MICU1: variants seen among roughly 807,000 people sequenced by gnomAD.
The protein encoded by MICU1 is mitochondrial calcium uptake 1.
MICU1 carries 45 observed loss-of-function variants against 56.8 expected under a neutral mutation model. The ratio of observed to expected loss-of-function variants is 0.79; its 90% CI spans 0.62 to 1.02. The LOEUF (loss-of-function observed/expected upper bound fraction) is 1.02. Among genes scored for constraint, MICU1 ranks in the 50% least tolerant of loss-of-function variants. MICU1 has a pLI of 0.00. For missense variants in MICU1, 504 were observed against 587.1 expected (o/e 0.86, Z 1.46); for synonymous variants, 186 against 195.1 (o/e 0.95, Z 0.39).
At chr10:72,414,891 G>A (rs1863932781) in intron 9 of MICU1, among the ~76,000 whole-genome samples, 1 of 151,840 alleles carries the variant, frequency 6.6e-6, no homozygotes, top group Admixed American at 6.6e-5. Flanking sequence ...CCGTCTACCA[G>A]AAGCCAATCT....
chr10:72,418,179 G>A (rs920323217), intron 9 of MICU1, among the ~76,000 whole-genome samples: 6 of 152,118 alleles, frequency 3.9e-5, no homozygotes, highest in Non-Finnish European at 8.8e-5. Flanking sequence ...TGGGGATTAT[G>A]GGAACTACAA....
chr10:72,511,709 C>A (rs1400899204), intron 5 of MICU1, among the ~76,000 whole-genome samples: 1 of 152,162 alleles, frequency 6.6e-6, no homozygotes, highest in Non-Finnish European at 1.5e-5. Flanking sequence ...CAAAAAAGGT[C>A]ATTTCTTCAT....
At chr10:72,428,248 G>A (rs1047066701) in intron 8 of MICU1, among the ~76,000 whole-genome samples, 2 of 152,184 alleles carry the variant, frequency 1.3e-5, no homozygotes, top group Non-Finnish European at 2.9e-5. Context: ...TAGAGTCTTG[G>A]TCCATAAGAT....
rs1839475290 is a variant in MICU1 at position 72,531,282 on chromosome 10, A to C, written c.537+2464T>G. 2.6e-5 allele frequency among the ~76,000 whole-genome samples: 4 copies of C among 152,360 alleles called. No homozygotes were observed. In the South Asian group the frequency reaches 8.3e-4, roughly 32 times the overall value. On this transcript the variant is annotated intron_variant, in intron 5 of 11. Transcript: ENST00000361114. ...CTTAGGTGTTTAGCTTTCTAACTAC[A>C]TTTCTGGCTATAATGCATAAAATTA...
At chr10:72,471,260 ATTG>A (rs1865942479) in intron 8 of MICU1, among the ~76,000 whole-genome samples, 1 of 152,028 alleles carries the variant, frequency 6.6e-6, no homozygotes, top group Admixed American at 6.6e-5. Flanking sequence ...AGTTTTTTGT[ATTG>A]TTAGTAGAGA....
At chr10:72,576,513 T>C (rs1840750725) in intron 1 of MICU1, among the ~76,000 whole-genome samples, 1 of 152,176 alleles carries the variant, frequency 6.6e-6, no homozygotes, top group South Asian at 2.1e-4. Context: ...TCTCTTCAAT[T>C]ATATGAAAGC....
chr10:72,407,613 T>C (rs1863671379), intron 10 of MICU1, among the ~76,000 whole-genome samples: 1 of 152,200 alleles, frequency 6.6e-6, no homozygotes. Context: ...TCACATTGTA[T>C]ATATAATGAC....
At chr10:72,450,397 T>C (rs1358938401) in intron 8 of MICU1, among the ~76,000 whole-genome samples, 1 of 151,756 alleles carries the variant, frequency 6.6e-6, no homozygotes, top group East Asian at 2.0e-4. Flanking sequence ...GCAACTGAAG[T>C]AGCCCAAGCA....
chr10:72,408,602 C>G (rs963375855), intron 9 of MICU1, among the ~76,000 whole-genome samples: 5 of 152,206 alleles, frequency 3.3e-5, no homozygotes, highest in Non-Finnish European at 5.9e-5. Flanking sequence ...AGCCACTACA[C>G]CTGGCCTAAT....
At chr10:72,555,489 G>A (rs554042657) in intron 3 of MICU1, among the ~76,000 whole-genome samples, 18 of 152,144 alleles carry the variant, frequency 1.2e-4, no homozygotes, top group African/African-American at 2.7e-4. Flanking sequence ...CATTTTTAAC[G>A]GCAGAAGCAA....
At chr10:72,370,812 C>T (rs1862307826) in intron 11 of MICU1, among the ~76,000 whole-genome samples, 1 of 150,198 alleles carries the variant, frequency 6.7e-6, no homozygotes, top group African/African-American at 2.5e-5. Context: ...GGGCAGATTG[C>T]TTAAGGCCCG....
At chr10:72,448,500 C>A (rs989369636) in intron 8 of MICU1, among the ~76,000 whole-genome samples, 1 of 151,998 alleles carries the variant, frequency 6.6e-6, no homozygotes, top group South Asian at 2.1e-4. Flanking sequence ...ATACACTAAA[C>A]ATTACATTGG....
chr10:72,451,024 C>CTTTT lies in MICU1; in HGVS notation c.933+24072_933+24075dup, dbSNP rs34430004. ...AGCTACTGCGCCCAGTCCCTTAAAT[C>CTTTT]TTTTTTTTTTTTTTTTTTTGAGACA... On this transcript the variant is annotated intron_variant, in intron 8 of 11. Coordinates refer to ENST00000361114, the MANE Select transcript of MICU1 (RefSeq NM_001195518.2). 2.0e-3 allele frequency among the ~76,000 whole-genome samples: 230 copies of CTTTT among 114,998 alleles called. 10 individuals are homozygous for CTTTT. Among genetic ancestry groups the CTTTT allele is most frequent in the Non-Finnish European group, 3.3e-3 (191 of 58,492 alleles). The allele number at this position is 114,998 out of a possible 152,430, so 75.4% of individuals were successfully genotyped here.
At position 72,498,680 on chromosome 10, in the gene MICU1, G is replaced by A. The variant is rs149509148; in HGVS notation, c.652+9475C>T. Among the ~76,000 whole-genome samples the A allele has an allele frequency of 2.1e-3, 327 of 152,294 alleles. 2 individuals carry two copies. The highest frequency in any genetic ancestry group is 3.5e-3 in the Admixed American group (54 of 15,298). ...TTCTGAGAGCCTAAGGAGCAGAGAA[G>A]GAGAACCAAGGGCAAACCTCCTCTC... On this transcript the variant is annotated intron_variant, in intron 6 of 11. Transcript: ENST00000361114.
intron 11 of MICU1, 133 bp from the exon 12 acceptor site, chr10:72,368,488 CTAGAATTCAT>C: frequency 1.0e-6 from 1 of 970,362 alleles, no homozygotes; most frequent in Non-Finnish European, 1.5e-6. Context: ...TTCTCTTATC[CTAGAATTCAT>C]TAGTTTATTC....
chr10:72,577,983 G>T (rs570288652), intron 1 of MICU1, among the ~76,000 whole-genome samples: 1 of 152,286 alleles, frequency 6.6e-6, no homozygotes, highest in Non-Finnish European at 1.5e-5. Context: ...CAGGGTTTGG[G>T]AGAACTGACT....
chr10:72,616,654 A>G (rs1841989852), intron 1 of MICU1, among the ~76,000 whole-genome samples: 1 of 151,650 alleles, frequency 6.6e-6, no homozygotes, highest in Non-Finnish European at 1.5e-5. Context: ...TTGGTGGGAA[A>G]AAAAAAAAAA....
At chr10:72,620,667 A>G (rs1253375517) in intron 1 of MICU1, among the ~76,000 whole-genome samples, 1 of 152,214 alleles carries the variant, frequency 6.6e-6, no homozygotes, top group Non-Finnish European at 1.5e-5. Context: ...TCTGCAAAAA[A>G]TTGATCACCC....
chr10:72,527,288 T>A (rs978330759), intron 5 of MICU1, among the ~76,000 whole-genome samples: 2 of 152,158 alleles, frequency 1.3e-5, no homozygotes, highest in African/African-American at 4.8e-5. Context: ...TATCACATAG[T>A]GTTCAAGAGA....
Sources: allele counts gnomAD v4.1 joint callset (sites outside exome capture counted in the v4.1 genomes callset), GRCh38; gene constraint gnomAD v4.1.1; transcripts MANE v1.5; gene names NCBI Gene and HGNC (gene_info 2026-07-23, HGNC 2026-07-21).